TUSC3: variants seen among roughly 807,000 people sequenced by gnomAD.
TUSC3 encodes the protein tumor suppressor candidate 3, also known as dolichyl-diphosphooligosaccharide--protein glycosyltransferase subunit TUSC3.
In TUSC3, 45 loss-of-function variants were observed where a neutral mutation model predicts 44.8. That is an observed-to-expected ratio of 1.00 (90% CI 0.79 to 1.29). The LOEUF (loss-of-function observed/expected upper bound fraction) is 1.29, where lower values mean the gene tolerates loss of function less well. Ranked by LOEUF, TUSC3 falls within the 50% of genes most tolerant of loss-of-function variation. The pLI, the probability that TUSC3 is intolerant of heterozygous loss-of-function variation, is 0.00. For synonymous variants in TUSC3, 212 were observed against 152.9 expected, an observed-to-expected ratio of 1.39 and a Z score of -2.85; for missense variants, 519 against 437.9, an observed-to-expected ratio of 1.19 and a Z score of -1.65.
At chr8:15,582,033 C>T (rs139098286) in intron 1 of TUSC3, among the ~76,000 whole-genome samples, 15,153 of 151,748 alleles carry the variant, frequency 0.1, 771 homozygotes, top group Middle Eastern at 0.14. Context: ...TTAAGCCGGT[C>T]TGAAAAGCGC....
At chr8:15,552,120 A>G (rs1184292013) in intron 1 of TUSC3, among the ~76,000 whole-genome samples, 1 of 151,768 alleles carries the variant, frequency 6.6e-6, no homozygotes, top group Admixed American at 6.6e-5. Flanking sequence ...TATGTTGTAA[A>G]TGTTTTTCAT....
chr8:15,471,088 C>G (rs1027164074), intron 1 of TUSC3, among the ~76,000 whole-genome samples: 4 of 151,682 alleles, frequency 2.6e-5, no homozygotes, highest in African/African-American at 9.7e-5. Flanking sequence ...TTTGTAATTA[C>G]CTGTTTACTA....
intron 1 of TUSC3, among the ~76,000 whole-genome samples, chr8:15,564,335 C>A (rs960288840): frequency 6.6e-6 from 1 of 152,080 alleles, no homozygotes; most frequent in African/African-American, 2.4e-5. Flanking sequence ...TTTCTTGTCT[C>A]ATTTGAAATA....
At chr8:15,634,505 G>A (rs533833660) in intron 2 of TUSC3, among the ~76,000 whole-genome samples, 3 of 152,270 alleles carry the variant, frequency 2.0e-5, no homozygotes, top group Admixed American at 2.0e-4. Context: ...CATGAAAGCT[G>A]GGGTCTTCCA....
intron 2 of TUSC3, among the ~76,000 whole-genome samples, chr8:15,501,299 G>A (rs1409619340): frequency 6.6e-6 from 1 of 152,074 alleles, no homozygotes; most frequent in Non-Finnish European, 1.5e-5. Flanking sequence ...TAAATAAAAT[G>A]CATCCCTTTT....
intron 1 of TUSC3, among the ~76,000 whole-genome samples, chr8:15,593,696 TC>T: frequency 6.6e-6 from 1 of 152,330 alleles, no homozygotes. Context: ...TAGTCTTTCC[TC>T]ATTTCTACCA....
chr8:15,535,403 A>G (rs1351069355), upstream of TUSC3, among the ~76,000 whole-genome samples: 2 of 152,214 alleles, frequency 1.3e-5, no homozygotes, highest in Admixed American at 6.5e-5. Flanking sequence ...TTAGGGAATA[A>G]ACAGAATGGG....
At chr8:15,777,356 C>A in the TUSC3 span, among the ~76,000 whole-genome samples, 1 of 152,222 alleles carries the variant, frequency 6.6e-6, no homozygotes, top group African/African-American at 2.4e-5. Flanking sequence ...CTTTCCTGAG[C>A]TCCGTATTTC....
intron 3 of TUSC3, among the ~76,000 whole-genome samples, chr8:15,653,684 G>A (rs1807020355): frequency 6.6e-6 from 1 of 152,168 alleles, no homozygotes; most frequent in African/African-American, 2.4e-5. Flanking sequence ...AGTTATAGCA[G>A]TTAATGAGTT....
chr8:15,769,954 C>G (rs1051317437), downstream of TUSC3, among the ~76,000 whole-genome samples: 4 of 152,188 alleles, frequency 2.6e-5, no homozygotes, highest in African/African-American at 9.7e-5. Context: ...AATGCTTTTA[C>G]ACTGTTGGTG....
At chr8:15,805,958 T>A in the TUSC3 span, among the ~76,000 whole-genome samples, 3 of 152,270 alleles carry the variant, frequency 2.0e-5, no homozygotes, top group African/African-American at 4.8e-5. Context: ...TACTTAAGTG[T>A]CAAATTTACA....
chr8:15,608,682 G>T (rs1804636135), intron 1 of TUSC3, among the ~76,000 whole-genome samples: 1 of 152,076 alleles, frequency 6.6e-6, no homozygotes, highest in Non-Finnish European at 1.5e-5. Flanking sequence ...TTTAAAAGTG[G>T]CAGTTTTTCC....
chr8:15,689,159 C>G (rs1808778239), intron 6 of TUSC3: 7 of 408,586 alleles, frequency 1.7e-5, no homozygotes, highest in Non-Finnish European at 3.4e-5. Context: ...TTTCTTTCCA[C>G]TCTGCTTCTT....
At chr8:15,640,067 C>T (rs552481572) in intron 2 of TUSC3, among the ~76,000 whole-genome samples, 1 of 152,246 alleles carries the variant, frequency 6.6e-6, no homozygotes, top group African/African-American at 2.4e-5. Context: ...ATTTTTCCAC[C>T]ATTACTTAGC....
chr8:15,474,748 C>T (rs113695984), intron 1 of TUSC3, among the ~76,000 whole-genome samples: 1 of 152,166 alleles, frequency 6.6e-6, no homozygotes, highest in African/African-American at 2.4e-5. Context: ...GAATACATTA[C>T]AAAAATAAGT....
the TUSC3 span, among the ~76,000 whole-genome samples, chr8:15,826,515 G>A: frequency 1.3e-5 from 2 of 152,224 alleles, no homozygotes; most frequent in South Asian, 4.1e-4. Context: ...CCTATATAGG[G>A]GAGCTGTGTT....
the TUSC3 span, among the ~76,000 whole-genome samples, chr8:15,789,170 A>T: frequency 0.061 from 9,352 of 152,204 alleles, 315 homozygotes; most frequent in Non-Finnish European, 0.079. Context: ...TCTGTATGTC[A>T]CCCATAACCT....
chr8:15,470,663 C>A (rs1399150645), intron 1 of TUSC3, among the ~76,000 whole-genome samples: 1 of 152,106 alleles, frequency 6.6e-6, no homozygotes, highest in Non-Finnish European at 1.5e-5. Context: ...TCCTTCCATT[C>A]AAAGTCCTTT....
chr8:15,609,471 G>C (rs1053715425), intron 1 of TUSC3, among the ~76,000 whole-genome samples: 1 of 151,940 alleles, frequency 6.6e-6, no homozygotes, highest in East Asian at 1.9e-4. Context: ...CTTATATCTG[G>C]TACTTGTTTT....
Sources: allele counts gnomAD v4.1 joint callset (sites outside exome capture counted in the v4.1 genomes callset), GRCh38; gene constraint gnomAD v4.1.1; transcripts MANE v1.5; gene names NCBI Gene and HGNC (gene_info 2026-07-23, HGNC 2026-07-21).